Variants in MMAB observed in about 807,000 individuals in gnomAD.
MMAB encodes the protein corrinoid adenosyltransferase MMAB.
Under a neutral mutation model 30.6 loss-of-function variants are expected in MMAB, and 17 were observed. That is an observed-to-expected ratio of 0.56 (90% confidence interval 0.38 to 0.83). The LOEUF (loss-of-function observed/expected upper bound fraction) is 0.83, where lower values mean the gene tolerates loss of function less well. MMAB is among the 40% of genes least tolerant of loss of function. The pLI, the probability that MMAB is intolerant of heterozygous loss-of-function variation, is 0.00. For missense variants in MMAB, 311 were observed against 331.6 expected, an observed-to-expected ratio of 0.94 and a Z score of 0.48; for synonymous variants, 134 against 138.6, an observed-to-expected ratio of 0.97 and a Z score of 0.23.
intron 4 of MMAB, among the ~76,000 whole-genome samples, chr12:109,563,644 G>A (rs536752912): frequency 3.3e-5 from 5 of 152,240 alleles, no homozygotes; most frequent in African/African-American, 9.6e-5. Flanking sequence ...TGACAGCTGC[G>A]ACCCAACGCG....
Position 109,555,657 on chromosome 12 carries a change from G to A in MMAB, c.*1371C>T, listed in dbSNP as rs1442617148. ...GAGGCACGGAACAAAGCCACCTCCT[G>A]GAAGGCATTCACACACTCCTGGTCA... On this transcript the variant is annotated 3_prime_UTR_variant, in exon 9 of 9. Coordinates refer to ENST00000545712, the MANE Select transcript of MMAB (RefSeq NM_052845.4). 4.4e-6 allele frequency: 2 copies of A among 451,144 alleles called. No homozygotes were observed. Among genetic ancestry groups the A allele is most frequent in the South Asian group, 3.1e-5 (2 of 64,316 alleles). 27.9% of individuals were successfully genotyped at this position (451,144 alleles called of 1,614,324 possible).
rs10850380 is a variant in MMAB, at chr12:109,565,014, A to G, written c.348+105T>C. 464,578 of 891,568 alleles carry G rather than the reference A, an allele frequency of 0.52. 124,893 individuals are homozygous for G. Among genetic ancestry groups the G allele is most frequent in the African/African-American group, 0.74 (45,105 of 61,176 alleles). 55.2% of individuals were successfully genotyped at this position (891,568 alleles called of 1,614,324 possible). A position where few individuals can be genotyped will look rare whatever the true frequency, so the allele number is the denominator to read the frequency against. On this transcript the variant is annotated intron_variant, in intron 4 of 8. Transcript: ENST00000545712. ...GAAATGGAGCTCACAGAGGGAGAGT[A>G]ACTAGCCCCAGGTGACACAAAGAGT...
At position 109,558,993 on chromosome 12, in the gene MMAB, G is replaced by A. The variant is rs747362745; in HGVS notation, c.644+103C>T. Reference sequence around the variant, plus strand: ...ACTAAGGGAATGAAGGAGGGGGTGCGGGAATGCTGCCCCACACTGCTTCCC... The same window carrying A: ...ACTAAGGGAATGAAGGAGGGGGTGCAGGAATGCTGCCCCACACTGCTTCCC... On this transcript the variant is annotated intron_variant, in intron 8 of 8. Coordinates refer to ENST00000545712, the MANE Select transcript of MMAB (RefSeq NM_052845.4). The surrounding 1 kb of genome is among the most constrained non-coding windows in gnomAD (Gnocchi z 4.3). The A allele has an allele frequency of 8.3e-5, 70 of 842,764 alleles. No homozygotes were observed. The highest frequency in any genetic ancestry group is 1.3e-4 in the Non-Finnish European group (63 of 494,126). The allele number at this position is 842,764 out of a possible 1,614,324, so 52.2% of individuals were successfully genotyped here.
intron 3 of MMAB, chr12:109,567,172 GAAA>G (rs111916724): frequency 7.7e-4 from 246 of 317,440 alleles, no homozygotes; most frequent in South Asian, 1.3e-3. Context: ...CTCCGTCTCG[GAAA>G]AAAAAAAAAA....
At chr12:109,563,199 C>T (rs758533441) in intron 4 of MMAB, among the ~76,000 whole-genome samples, 13 of 152,208 alleles carry the variant, frequency 8.5e-5, no homozygotes, top group Non-Finnish European at 1.2e-4. Flanking sequence ...TGGTTGGCCA[C>T]GTGCAGCGTG....
At chr12:109,570,680 G>A (rs1017575150) in intron 2 of MMAB, among the ~76,000 whole-genome samples, 4 of 151,932 alleles carry the variant, frequency 2.6e-5, no homozygotes, top group African/African-American at 7.3e-5. Context: ...GACCAGCCTG[G>A]GCAACACAGC....
Position 109,558,219 on chromosome 12 carries a change from T to C in MMAB, c.644+877A>G, listed in dbSNP as rs1291616860. Among the ~76,000 whole-genome samples the C allele has an allele frequency of 6.6e-6, 1 of 152,162 alleles. No homozygotes were observed. The highest frequency in any genetic ancestry group is 1.5e-5 in the Non-Finnish European group (1 of 68,028). On this transcript the variant is annotated intron_variant, in intron 8 of 8. Coordinates refer to ENST00000545712, the MANE Select transcript of MMAB (RefSeq NM_052845.4). This position sits in a 1 kb window ranked among gnomAD's most constrained non-coding sequence, Gnocchi z 4.3. ...AGTGGTGTGCCTGTTGCTTGTTGGC[T>C]CTGTGAAGCCTCACTGAGGAGATGA...
chr12:109,557,191 G>C (rs1291428617), intron 8 of MMAB, 55 bp from the exon 9 acceptor site: 1 of 1,167,382 alleles, frequency 8.6e-7, no homozygotes, highest in Non-Finnish European at 1.3e-6. Flanking sequence ...AGAGATCAAC[G>C]CTAACTGGGT....
Position 109,561,561 on chromosome 12 carries a change from C to A in MMAB, c.422-44G>T, listed in dbSNP as rs1351612391. 6 of 1,502,000 alleles carry A rather than the reference C, an allele frequency of 4.0e-6. No homozygotes were observed. The highest frequency in any genetic ancestry group is 1.4e-5 in the African/African-American group (1 of 72,084). 93.0% of individuals were successfully genotyped at this position (1,502,000 alleles called of 1,614,324 possible). ...GAGGGAACTGCCATGAGGCCATCAC[C>A]CACCAGACCATGGCGGGAACCACCC... On this transcript the variant is annotated intron_variant, in intron 5 of 8. Transcript: ENST00000545712. This position sits in a 1 kb window ranked among gnomAD's most constrained non-coding sequence, Gnocchi z 5.3.
chr12:109,561,746 G>C lies in MMAB; in HGVS notation c.421+34C>G. The C allele has an allele frequency of 1.3e-6, 2 of 1,569,330 alleles. No homozygotes were observed. Among genetic ancestry groups the C allele is most frequent in the Non-Finnish European group, 1.7e-6 (2 of 1,150,296 alleles). ...CCTAGGAGAGTCCCCTGACCCTAGG[G>C]CCCTCTGAACACCCACAGGAGTTTG... On this transcript the variant is annotated intron_variant, in intron 5 of 8. Coordinates refer to ENST00000545712, the MANE Select transcript of MMAB (RefSeq NM_052845.4). The surrounding 1 kb of genome is among the most constrained non-coding windows in gnomAD (Gnocchi z 5.3).
rs912377272 is a variant in MMAB, at chr12:109,558,935, G to A, written c.644+161C>T. On this transcript the variant is annotated intron_variant, in intron 8 of 8. Coordinates refer to ENST00000545712, the MANE Select transcript of MMAB (RefSeq NM_052845.4). This position sits in a 1 kb window ranked among gnomAD's most constrained non-coding sequence, Gnocchi z 4.3. The stretch of plus-strand genomic sequence containing the variant: ...CACCACTGCCTCCCCTGTGCCCGGC[G>A]TGGTGCCTGGCACAGAGCAGATGTT... 2.6e-5 allele frequency among the ~76,000 whole-genome samples: 4 copies of A among 152,112 alleles called. No homozygotes were observed. Among genetic ancestry groups the A allele is most frequent in the Non-Finnish European group, 4.4e-5 (3 of 68,010 alleles).
Position 109,556,037 on chromosome 12 carries a change from CT to C in MMAB, c.*990del, listed in dbSNP as rs1239764531. On this transcript the variant is annotated 3_prime_UTR_variant, in exon 9 of 9. Transcript: ENST00000545712. ...TTTCCTGCAATTAGCAGCCTGCAGT[CT>C]TTAGGTTCTTGGGGCTGCCTCTTCT... 6.6e-6 allele frequency: 3 copies of C among 453,960 alleles called. No homozygotes were observed. The highest frequency in any genetic ancestry group is 2.4e-5 in the Admixed American group (1 of 42,540). The allele number at this position is 453,960 out of a possible 1,614,324, so 28.1% of individuals were successfully genotyped here.
Position 109,561,373 on chromosome 12 carries a change from C to T in MMAB, c.519+47G>A. On this transcript the variant is annotated intron_variant, in intron 6 of 8. Transcript: ENST00000545712. The surrounding 1 kb of genome is among the most constrained non-coding windows in gnomAD (Gnocchi z 5.3). ...ATTCAGAGCCCATGTGTGTCTGTCA[C>T]TGAACCTGCCTGCAGCCGCCCCCGG... is the stretch of plus-strand genomic sequence containing the variant. 6.5e-7 allele frequency: 1 copy of T among 1,545,396 alleles called. No individual in the cohort carries two copies. Among genetic ancestry groups the T allele is most frequent in the East Asian group, 2.4e-5 (1 of 40,890 alleles).
intron 1 of MMAB, among the ~76,000 whole-genome samples, chr12:109,572,208 G>C (rs1331656277): frequency 6.6e-6 from 1 of 151,938 alleles, no homozygotes; most frequent in East Asian, 1.9e-4. Context: ...AGCACAAACT[G>C]TAACTTCTAT....
rs746823302 is a variant in MMAB, at chr12:109,555,275, GTTT to G, written c.*1750_*1752del. The G allele has an allele frequency of 4.0e-4, 137 of 342,162 alleles. No homozygotes were observed. Among genetic ancestry groups the G allele is most frequent in the Admixed American group, 8.7e-4 (21 of 24,142 alleles). The allele number at this position is 342,162 out of a possible 1,614,324, so 21.2% of individuals were successfully genotyped here. On this transcript the variant is annotated 3_prime_UTR_variant, in exon 9 of 9. Coordinates refer to ENST00000545712, the MANE Select transcript of MMAB (RefSeq NM_052845.4). The stretch of plus-strand genomic sequence containing the variant: ...GAGCCTTAGTGATTGCGTTTTCAGG[GTTT>G]TTTTTTTTTTTTTTTTTTTTTTGTG...
Position 109,561,504 on chromosome 12 carries a change from G to T in MMAB, c.435C>A (p.Phe145Leu). ...AREAHLKYTT[F>L]KAGPILELEQ... ...CCAGCTCCAGGATGGGCCCCGCCTT[G>T]AACGTGGTATACTCTGAGGAGCCAA... The change falls in exon 6 of 9, where the codon TTC becomes TTA. Residue 145 changes from phenylalanine to leucine, a missense_variant. Coordinates refer to ENST00000545712, the MANE Select transcript of MMAB (RefSeq NM_052845.4). The surrounding 1 kb of genome is among the most constrained non-coding windows in gnomAD (Gnocchi z 5.3). 5 of 1,549,480 alleles carry T rather than the reference G, an allele frequency of 3.2e-6. No individual in the cohort carries two copies. The East Asian group carries it at 9.8e-5, about 30-fold the overall frequency.
chr12:109,563,325 A>G (rs1055516440), intron 4 of MMAB, among the ~76,000 whole-genome samples: 1 of 152,210 alleles, frequency 6.6e-6, no homozygotes, highest in African/African-American at 2.4e-5. Context: ...TTGGCTCCCT[A>G]TAAGCTGTGG....
intron 4 of MMAB, among the ~76,000 whole-genome samples, chr12:109,563,410 G>A (rs736343): frequency 0.18 from 27,587 of 152,246 alleles, 2,712 homozygotes; most frequent in Middle Eastern, 0.25. Flanking sequence ...ATTGCTGCCC[G>A]GCCTCATCCA....
chr12:109,561,047 C>T lies in MMAB; in HGVS notation c.577G>A (p.Glu193Lys), dbSNP rs749758687. ...HFCRAVCRRAERRVVPLVQMG... is the reference protein window; with the variant it reads ...HFCRAVCRRAKRRVVPLVQMG... Reference sequence around the variant, plus strand: ...TCTCTCCAGCCCTCTTACCGTCTCTCGGCCCGGCGGCACACGGCCCGGCAG... The same window carrying T: ...TCTCTCCAGCCCTCTTACCGTCTCTTGGCCCGGCGGCACACGGCCCGGCAG... Residue 193 changes from glutamate to lysine, a missense_variant, in exon 7 of 9, where the codon GAG (glutamate) becomes AAG (lysine). By Grantham distance (56) the Glu-to-Lys change is moderately conservative. Transcript: ENST00000545712. The surrounding 1 kb of genome is among the most constrained non-coding windows in gnomAD (Gnocchi z 5.3). The T allele has an allele frequency of 1.3e-5, 20 of 1,599,550 alleles. No individual in the cohort carries two copies. The highest frequency in any genetic ancestry group is 3.3e-5 in the South Asian group (3 of 90,912).
Sources: gnomAD v4.1 joint callset for allele counts (sites outside exome capture counted in the v4.1 genomes callset) on GRCh38, gnomAD v4.1.1 for gene constraint, Gnocchi (gnomAD v3.1) non-coding constraint, MANE v1.5 for transcripts, NCBI Gene and HGNC (gene_info 2026-07-23, HGNC 2026-07-21) for gene names.